Variants in STXBP5 observed in about 807,000 individuals in gnomAD.
STXBP5 encodes the protein syntaxin-binding protein 5.
In STXBP5, 50 loss-of-function variants were observed where a neutral mutation model predicts 152.4. That is an observed-to-expected ratio of 0.33 (90% CI 0.26 to 0.42). The LOEUF (loss-of-function observed/expected upper bound fraction) is 0.42, where lower values mean the gene tolerates loss of function less well. Ranked by LOEUF, STXBP5 falls within the 10% of genes least tolerant of loss-of-function variation. The probability of loss-of-function intolerance (pLI) is 1.00; values close to 1 mark genes in which losing one functional copy is unlikely to be tolerated. For missense variants in STXBP5, 1,167 were observed against 1,388.6 expected, an observed-to-expected ratio of 0.84 and a Z score of 2.54; for synonymous variants, 492 against 494.7, an observed-to-expected ratio of 0.99 and a Z score of 0.07.
intron 9 of STXBP5, among the ~76,000 whole-genome samples, chr6:147,307,413 A>C (rs899868249): frequency 1.3e-5 from 2 of 152,170 alleles, no homozygotes; most frequent in Admixed American, 6.5e-5. Flanking sequence ...TTTGTAATTC[A>C]TGTTACCTAG....
intron 4 of STXBP5, among the ~76,000 whole-genome samples, chr6:147,244,603 A>C (rs1211075486): frequency 6.6e-6 from 1 of 152,234 alleles, no homozygotes; most frequent in Admixed American, 6.5e-5. Flanking sequence ...TGTTAATACT[A>C]AATAAAAATA....
At position 147,386,725 on chromosome 6, in the gene STXBP5, A is replaced by G. The variant is rs1583024900; in HGVS notation, c.*1970A>G. The stretch of plus-strand genomic sequence containing the variant: ...TCCATGATATGTCACAGGAATTGTT[A>G]GGTCCTATTTTAAAGGTACAGTTTT... On this transcript the variant is annotated 3_prime_UTR_variant, in exon 28 of 28. Coordinates refer to ENST00000321680, the MANE Select transcript of STXBP5 (RefSeq NM_001127715.4). The G allele has an allele frequency of 6.6e-6, 1 of 151,872 alleles. No homozygotes were observed. The highest frequency in any genetic ancestry group is 1.9e-4 in the East Asian group (1 of 5,184). The allele number at this position is 151,872 out of a possible 1,614,324, so 9.4% of individuals were successfully genotyped here. A position where few individuals can be genotyped will look rare whatever the true frequency, so the allele number is the denominator to read the frequency against.
chr6:147,329,681 A>G (rs1783462950), intron 18 of STXBP5, among the ~76,000 whole-genome samples: 2 of 114,256 alleles, frequency 1.8e-5, no homozygotes, highest in African/African-American at 3.4e-5. Flanking sequence ...GCTGGACTGC[A>G]GTGGCGCTGT....
chr6:147,235,058 C>G (rs986831675), intron 2 of STXBP5, among the ~76,000 whole-genome samples, 192 bp from the exon 3 acceptor site: 3 of 151,900 alleles, frequency 2.0e-5, no homozygotes, highest in African/African-American at 7.2e-5. Flanking sequence ...TTTGTTTAAA[C>G]CTGTAATCTC....
At chr6:147,312,279 T>C (rs777668358) in intron 11 of STXBP5, among the ~76,000 whole-genome samples, 1 of 152,210 alleles carries the variant, frequency 6.6e-6, no homozygotes, top group Non-Finnish European at 1.5e-5. Flanking sequence ...CTTTGTAACT[T>C]TTCATGGTAT....
chr6:147,227,913 A>G lies in STXBP5; in HGVS notation c.249-7337A>G, dbSNP rs143534575. Among the ~76,000 whole-genome samples the G allele has an allele frequency of 3.4e-3, 521 of 151,850 alleles. 2 individuals are homozygous for G. Among genetic ancestry groups the G allele is most frequent in the African/African-American group, 0.012 (493 of 41,400 alleles). ...TTCTTCCTTCTCCCCCACTTCCCTT[A>G]TGCATTGGCTGCTGTCATCTCATGC... On this transcript the variant is annotated intron_variant, in intron 2 of 27. Coordinates refer to ENST00000321680, the MANE Select transcript of STXBP5 (RefSeq NM_001127715.4).
intron 4 of STXBP5, among the ~76,000 whole-genome samples, chr6:147,253,267 G>A (rs2115295258): frequency 6.6e-6 from 1 of 152,214 alleles, no homozygotes; most frequent in South Asian, 2.1e-4. Flanking sequence ...ACCCCTTCAT[G>A]CTAAAAACTC....
chr6:147,296,267 C>T (rs1254673260), intron 9 of STXBP5, among the ~76,000 whole-genome samples: 3 of 152,128 alleles, frequency 2.0e-5, no homozygotes, highest in Admixed American at 2.0e-4. Flanking sequence ...GGTTCACCCC[C>T]CAAGTCAACC....
At chr6:147,279,852 G>A (rs1462052101) in intron 8 of STXBP5, among the ~76,000 whole-genome samples, 6 of 152,068 alleles carry the variant, frequency 3.9e-5, no homozygotes, top group Non-Finnish European at 8.8e-5. Flanking sequence ...GTACCAATAA[G>A]GTGTGGTTAG....
At chr6:147,223,385 T>C (rs1293844923) in intron 2 of STXBP5, among the ~76,000 whole-genome samples, 2 of 152,208 alleles carry the variant, frequency 1.3e-5, no homozygotes, top group African/African-American at 4.8e-5. Context: ...TTGAGCATAT[T>C]TCTATTAAGT....
intron 22 of STXBP5, among the ~76,000 whole-genome samples, chr6:147,358,507 A>T (rs1305176864): frequency 6.6e-6 from 1 of 152,176 alleles, no homozygotes; most frequent in African/African-American, 2.4e-5. Flanking sequence ...TTAGCATAAA[A>T]GTAAATTGTT....
At chr6:147,242,292 G>T (rs965275794) in intron 4 of STXBP5, among the ~76,000 whole-genome samples, 4 of 151,952 alleles carry the variant, frequency 2.6e-5, no homozygotes, top group Non-Finnish European at 2.9e-5. Context: ...TAAGTGAAGG[G>T]TTATTATAAA....
chr6:147,374,872 G>T (rs1785734118), intron 26 of STXBP5, among the ~76,000 whole-genome samples: 1 of 151,990 alleles, frequency 6.6e-6, no homozygotes. Context: ...TTAAGAGTAA[G>T]GGTGAACTGG....
intron 2 of STXBP5, among the ~76,000 whole-genome samples, chr6:147,232,559 T>C (rs1427456502): frequency 1.3e-5 from 2 of 151,856 alleles, no homozygotes; most frequent in Non-Finnish European, 3.0e-5. Context: ...TGTATAATAA[T>C]ACTGCCTTAT....
intron 3 of STXBP5, among the ~76,000 whole-genome samples, chr6:147,238,284 C>T (rs1778376149): frequency 6.6e-6 from 1 of 152,120 alleles, no homozygotes; most frequent in African/African-American, 2.4e-5. Context: ...CTGGTGCATG[C>T]CAGGAGAGCA....
rs915974570 is a variant in STXBP5, at chr6:147,334,138, T to G, written c.2081-19T>G. 1 of 1,610,162 alleles carries G rather than the reference T, an allele frequency of 6.2e-7. No individual in the cohort carries two copies. On this transcript the variant is annotated intron_variant, in intron 18 of 27. Coordinates refer to ENST00000321680, the MANE Select transcript of STXBP5 (RefSeq NM_001127715.4). ...ACATAAATGTATGGGTTGATTTGTT[T>G]TTTGTTTTTGTTTTGTAGCCGGTCT...
chr6:147,323,583 G>A (rs139723882), intron 16 of STXBP5, among the ~76,000 whole-genome samples: 5 of 151,964 alleles, frequency 3.3e-5, no homozygotes, highest in Non-Finnish European at 7.4e-5. Context: ...GTAGAGACGG[G>A]GTTTCGCCAT....
At position 147,333,873 on chromosome 6, in the gene STXBP5, T is replaced by C. The variant is rs563865055; in HGVS notation, c.2081-284T>C. On this transcript the variant is annotated intron_variant, in intron 18 of 27. Coordinates refer to ENST00000321680, the MANE Select transcript of STXBP5 (RefSeq NM_001127715.4). The stretch of plus-strand genomic sequence containing the variant: ...TGTTTAGACAATTTGCAGGGGTTTT[T>C]ATAACGTCAATCACCAGGCAAATTT... Among the ~76,000 whole-genome samples, 8 of 152,358 alleles carry C rather than the reference T, an allele frequency of 5.3e-5. No homozygotes were observed. The East Asian group carries it at 9.6e-4, about 18-fold the overall frequency.
At chr6:147,277,285 T>G (rs1780489496) in intron 7 of STXBP5, among the ~76,000 whole-genome samples, 1 of 152,136 alleles carries the variant, frequency 6.6e-6, no homozygotes, top group African/African-American at 2.4e-5. Context: ...ATACGATTTT[T>G]GTGCTATACT....
Sources: gnomAD v4.1 joint callset for allele counts (sites outside exome capture counted in the v4.1 genomes callset) on GRCh38, gnomAD v4.1.1 for gene constraint, MANE v1.5 for transcripts, NCBI Gene and HGNC (gene_info 2026-07-23, HGNC 2026-07-21) for gene names.